VPS35L: variants seen among roughly 807,000 people sequenced by gnomAD.
The protein encoded by VPS35L is VPS35 endosomal protein-sorting factor-like.
Under a neutral mutation model 133.0 loss-of-function variants are expected in VPS35L, and 83 were observed. The ratio of observed to expected loss-of-function variants is 0.62; its 90% CI spans 0.52 to 0.75. The LOEUF (loss-of-function observed/expected upper bound fraction) is 0.75. Among genes scored for constraint, VPS35L ranks in the 30% least tolerant of loss-of-function variants. VPS35L has a pLI of 0.00. For synonymous variants in VPS35L, 423 were observed against 449.9 expected (o/e 0.94, Z 0.76); for missense variants, 1,083 against 1,206.8 (o/e 0.90, Z 1.52).
At chr16:19,609,169 C>A in intron 11 of VPS35L, 148 bp downstream of exon 11, 1 of 694,700 alleles carries the variant, frequency 1.4e-6, no homozygotes, top group Non-Finnish European at 2.5e-6. Flanking sequence ...TCATTGAATC[C>A]AAATGAAAAC....
intron 9 of VPS35L, among the ~76,000 whole-genome samples, chr16:19,603,671 C>T (rs1972456522): frequency 6.6e-6 from 1 of 152,110 alleles, no homozygotes; most frequent in Non-Finnish European, 1.5e-5. Context: ...AGAGGCCAGC[C>T]CAAGTGGAAA....
intron 9 of VPS35L, among the ~76,000 whole-genome samples, chr16:19,606,500 T>A (rs1972542212): frequency 6.6e-6 from 1 of 152,198 alleles, no homozygotes; most frequent in Admixed American, 6.5e-5. Flanking sequence ...CTCAAGTGAA[T>A]GAAGCATGCC....
chr16:19,623,103 C>A (rs1207013495), intron 14 of VPS35L, among the ~76,000 whole-genome samples: 1 of 152,314 alleles, frequency 6.6e-6, no homozygotes, highest in East Asian at 1.9e-4. Context: ...CCCCCGAAGA[C>A]TTCCCATCCT....
intron 18 of VPS35L, among the ~76,000 whole-genome samples, chr16:19,630,490 C>T (rs1053737541): frequency 2.2e-4 from 33 of 151,940 alleles, no homozygotes; most frequent in East Asian, 3.9e-4. Context: ...CCTGCCACCA[C>T]GCCTGGCTAA....
At chr16:19,575,157 T>C in intron 5 of VPS35L, 35 bp downstream of exon 5, 3 of 1,590,636 alleles carry the variant, frequency 1.9e-6, no homozygotes, top group Non-Finnish European at 2.6e-6. Context: ...GATGGGAAAA[T>C]TCTGGCATTA....
rs375880106 is a variant in VPS35L at position 19,637,688 on chromosome 16, T to C, written c.1698+32T>C. ...AGGATTTCTTAATTATCTTTGGAAA[T>C]TTGTACCTGGCTCAGAGGTTCTCAT... On this transcript the variant is annotated intron_variant, in intron 20 of 30. Coordinates refer to ENST00000417362, the MANE Select transcript of VPS35L (RefSeq NM_020314.7). 66 of 1,469,210 alleles carry C rather than the reference T, an allele frequency of 4.5e-5. No homozygotes were observed. The Admixed American group carries it at 5.1e-4, about 11-fold the overall frequency. 91.0% of individuals were successfully genotyped at this position (1,469,210 alleles called of 1,614,324 possible).
At chr16:19,576,011 A>C in intron 5 of VPS35L, among the ~76,000 whole-genome samples, 1 of 144,426 alleles carries the variant, frequency 6.9e-6, no homozygotes. Flanking sequence ...AAAAAAAAAA[A>C]AAAAATTAGC....
At chr16:19,608,119 G>A (rs1298216102) in intron 9 of VPS35L, 59 bp from the exon 10 acceptor site, 1 of 1,269,048 alleles carries the variant, frequency 7.9e-7, no homozygotes, top group Non-Finnish European at 1.2e-6. Flanking sequence ...TCCCATCCAG[G>A]GACTCACACA....
chr16:19,573,994 C>T (rs773793884), intron 4 of VPS35L, among the ~76,000 whole-genome samples: 4 of 152,046 alleles, frequency 2.6e-5, no homozygotes, highest in African/African-American at 7.3e-5. Context: ...AAGACACTTA[C>T]GAAATTCGAG....
intron 28 of VPS35L, among the ~76,000 whole-genome samples, chr16:19,688,026 A>C (rs902237872): frequency 6.6e-6 from 1 of 152,162 alleles, no homozygotes; most frequent in Non-Finnish European, 1.5e-5. Flanking sequence ...TCCTGGGCTC[A>C]AGTCATCCTC....
At chr16:19,629,392 T>A (rs1476852729) in intron 17 of VPS35L, among the ~76,000 whole-genome samples, 1 of 152,130 alleles carries the variant, frequency 6.6e-6, no homozygotes, top group East Asian at 1.9e-4. Flanking sequence ...AAAGATGTAA[T>A]TTCTTTGATT....
chr16:19,581,483 G>A, intron 6 of VPS35L, 42 bp from the exon 7 acceptor site: 3 of 1,507,098 alleles, frequency 2.0e-6, no homozygotes, highest in Non-Finnish European at 2.7e-6. Context: ...GTCGAGCAAT[G>A]TTTTTCCTGC....
intron 7 of VPS35L, among the ~76,000 whole-genome samples, chr16:19,587,044 A>G (rs1471214859): frequency 6.6e-6 from 1 of 152,164 alleles, no homozygotes; most frequent in African/African-American, 2.4e-5. Flanking sequence ...AAATCGTGGC[A>G]GAAGGCAAAG....
chr16:19,672,092 T>C (rs1974895808), intron 27 of VPS35L, among the ~76,000 whole-genome samples: 1 of 152,142 alleles, frequency 6.6e-6, no homozygotes, highest in Non-Finnish European at 1.5e-5. Context: ...CCAACAGGCA[T>C]GTGCCAGCCA....
intron 23 of VPS35L, among the ~76,000 whole-genome samples, chr16:19,646,135 C>T (rs1362177378): frequency 6.6e-6 from 1 of 152,118 alleles, no homozygotes; most frequent in Non-Finnish European, 1.5e-5. Flanking sequence ...CAGGCTGCTA[C>T]AGGGAGTGTG....
chr16:19,559,413 G>A (rs1476483806), intron 1 of VPS35L, among the ~76,000 whole-genome samples: 1 of 152,188 alleles, frequency 6.6e-6, no homozygotes, highest in Non-Finnish European at 1.5e-5. Context: ...AGGTGCCAGT[G>A]ATCCAGACAA....
chr16:19,649,540 A>G (rs1974059602), intron 24 of VPS35L, among the ~76,000 whole-genome samples: 1 of 152,240 alleles, frequency 6.6e-6, no homozygotes, highest in Non-Finnish European at 1.5e-5. Context: ...TCAGCCTTGC[A>G]CCAGTGCTTT....
rs141564784 is a variant in VPS35L at position 19,653,965 on chromosome 16, T to A, written c.2221+1875T>A. 2.6e-3 allele frequency among the ~76,000 whole-genome samples: 397 copies of A among 152,270 alleles called. 2 individuals carry two copies. Among genetic ancestry groups the A allele is most frequent in the African/African-American group, 8.8e-3 (367 of 41,568 alleles). On this transcript the variant is annotated intron_variant, in intron 26 of 30. Coordinates refer to ENST00000417362, the MANE Select transcript of VPS35L (RefSeq NM_020314.7). ...AACACTTGCCTCTTGATTTCCCCTG[T>A]GAGCTGGTGCCTGCCCACCTCCATC...
chr16:19,618,848 G>A (rs1972982825), intron 14 of VPS35L, among the ~76,000 whole-genome samples: 1 of 151,870 alleles, frequency 6.6e-6, no homozygotes, highest in African/African-American at 2.4e-5. Flanking sequence ...AGAGAGTTGG[G>A]AAGGAGAAAT....
Sources: gnomAD v4.1 joint callset for allele counts (sites outside exome capture counted in the v4.1 genomes callset) on GRCh38, gnomAD v4.1.1 for gene constraint, MANE v1.5 for transcripts, NCBI Gene and HGNC (gene_info 2026-07-23, HGNC 2026-07-21) for gene names.